The following WDR33 variants were observed in gnomAD, a reference collection of about 807,000 sequenced individuals.
WDR33 encodes the protein WD repeat domain 33.
A neutral mutation model predicts 164.9 loss-of-function variants in WDR33; 47 were observed. The observed-to-expected ratio is 0.29, with a 90% CI of 0.23 to 0.36. The LOEUF is 0.36. Ranked by LOEUF, WDR33 falls within the 10% of genes least tolerant of loss-of-function variation. WDR33 has a pLI of 1.00. For synonymous variants in WDR33, 505 were observed against 589.0 expected, an observed-to-expected ratio of 0.86 and a Z score of 2.06; for missense variants, 1,137 against 1,754.1, an observed-to-expected ratio of 0.65 and a Z score of 6.28.
chr2:127,795,587 T>C (rs961351507), intron 1 of WDR33, among the ~76,000 whole-genome samples: 2 of 149,360 alleles, frequency 1.3e-5, no homozygotes, highest in Admixed American at 6.7e-5. Context: ...TACCAAACCA[T>C]AGGATACACA....
At position 127,723,697 on chromosome 2, in the gene WDR33, G is replaced by A. The variant is rs1686493948; in HGVS notation, c.1197-350C>T. Among the ~76,000 whole-genome samples, 2 of 151,702 alleles carry A rather than the reference G, an allele frequency of 1.3e-5. No homozygotes were observed. Among genetic ancestry groups the A allele is most frequent in the South Asian group, 2.1e-4 (1 of 4,792 alleles). The stretch of plus-strand genomic sequence containing the variant: ...GATGGCTTGAGCCCAGGAGTTTGAG[G>A]CTACAGTGAGCTGTGATCTCACCAC... On this transcript the variant is annotated intron_variant, in intron 11 of 21. Transcript: ENST00000322313. This position sits in a 1 kb window ranked among gnomAD's most constrained non-coding sequence, Gnocchi z 5.9.
At chr2:127,746,815 C>T (rs781239374) in intron 7 of WDR33, among the ~76,000 whole-genome samples, 3 of 152,192 alleles carry the variant, frequency 2.0e-5, no homozygotes, top group Admixed American at 1.3e-4. Flanking sequence ...AGTAATTACA[C>T]TATATTCTTC....
chr2:127,735,658 T>C lies in WDR33; in HGVS notation c.725-8881A>G, dbSNP rs1247980440. The C allele has an allele frequency of 6.1e-6, 6 of 985,774 alleles. No homozygotes were observed. The highest frequency in any genetic ancestry group is 7.2e-6 in the Non-Finnish European group (6 of 829,910). 61.1% of individuals were successfully genotyped at this position (985,774 alleles called of 1,614,324 possible). On this transcript the variant is annotated intron_variant, in intron 7 of 21. Transcript: ENST00000322313. The surrounding 1 kb of genome is among the most constrained non-coding windows in gnomAD (Gnocchi z 4.3). ...TACTTCTAGCCACAAGAACATAAAA[T>C]GTAACAGATCAGTTTAAGACAAAGG...
chr2:127,785,872 T>C (rs1486503198), intron 1 of WDR33, among the ~76,000 whole-genome samples: 1 of 152,220 alleles, frequency 6.6e-6, no homozygotes, highest in African/African-American at 2.4e-5. Context: ...AGGGTATGCT[T>C]GGTTTTGTAA....
At chr2:127,731,781 A>G (rs964766487) in intron 7 of WDR33, among the ~76,000 whole-genome samples, 11 of 152,184 alleles carry the variant, frequency 7.2e-5, no homozygotes, top group African/African-American at 2.7e-4. Context: ...GGTACATATT[A>G]CCTTATTTAA....
At chr2:127,797,492 A>G (rs143442793) in intron 1 of WDR33, among the ~76,000 whole-genome samples, 2 of 152,314 alleles carry the variant, frequency 1.3e-5, no homozygotes, top group African/African-American at 2.4e-5. Context: ...ACTACGTCAC[A>G]CACAAAAAAA....
chr2:127,761,516 TAATA>T (rs1297197617), intron 7 of WDR33, among the ~76,000 whole-genome samples: 1 of 152,224 alleles, frequency 6.6e-6, no homozygotes, highest in African/African-American at 2.4e-5. Flanking sequence ...GAATTACTTT[TAATA>T]AATAAAATTA....
intron 1 of WDR33, among the ~76,000 whole-genome samples, chr2:127,794,833 CAA>C (rs990234716): frequency 0.056 from 4,424 of 79,250 alleles, 267 homozygotes; most frequent in African/African-American, 0.16. Flanking sequence ...GACTCCGTTT[CAA>C]AAAAAAAAAA....
intron 4 of WDR33, among the ~76,000 whole-genome samples, chr2:127,766,268 A>G (rs1687817423): frequency 6.6e-6 from 1 of 152,238 alleles, no homozygotes; most frequent in African/African-American, 2.4e-5. Flanking sequence ...AAACTCCGAC[A>G]AAGTTGAAAA....
In WDR33 at chr2:127,716,428, A is replaced by G. The variant is rs1432136658; in HGVS notation, c.2869+727T>C. ...CCCGTTATGAAAGTGTGTGTCGAAC[A>G]TAACACAGTGTTTCCTCTCACTCCC... On this transcript the variant is annotated intron_variant, in intron 17 of 21. Coordinates refer to ENST00000322313, the MANE Select transcript of WDR33 (RefSeq NM_018383.5). The surrounding 1 kb of genome is among the most constrained non-coding windows in gnomAD (Gnocchi z 4.5). Among the ~76,000 whole-genome samples, 8 of 152,132 alleles carry G rather than the reference A, an allele frequency of 5.3e-5. No homozygotes were observed. Among genetic ancestry groups the G allele is most frequent in the Admixed American group, 6.5e-5 (1 of 15,274 alleles).
intron 1 of WDR33, among the ~76,000 whole-genome samples, chr2:127,808,962 G>C (rs760445201): frequency 2.0e-5 from 3 of 150,844 alleles, no homozygotes; most frequent in Non-Finnish European, 2.9e-5. Flanking sequence ...CCCGGGAGGC[G>C]GAGCTTGCAG....
rs1687739072 is a variant in WDR33, at chr2:127,763,525, A to T, written c.627-366T>A. On this transcript the variant is annotated intron_variant, in intron 6 of 21. Coordinates refer to ENST00000322313, the MANE Select transcript of WDR33 (RefSeq NM_018383.5). This position sits in a 1 kb window ranked among gnomAD's most constrained non-coding sequence, Gnocchi z 4.5. ...TTTGCAGTATTCCTGCAGTCTTTTA[A>T]ATCACACACGAATACTGCTCCCAAA... The T allele has an allele frequency of 9.6e-7, 1 of 1,045,530 alleles. No individual in the cohort carries two copies. The highest frequency in any genetic ancestry group is 1.7e-5 in the African/African-American group (1 of 58,858). The allele number at this position is 1,045,530 out of a possible 1,614,324, so 64.8% of individuals were successfully genotyped here. A position where few individuals can be genotyped will look rare whatever the true frequency, so the allele number is the denominator to read the frequency against.
At chr2:127,768,151 G>A in intron 4 of WDR33, 38 bp downstream of exon 4, 3 of 1,321,342 alleles carry the variant, frequency 2.3e-6, no homozygotes, top group Non-Finnish European at 3.1e-6. Flanking sequence ...TATAACGCAG[G>A]ATTAATTTTC....
intron 7 of WDR33, among the ~76,000 whole-genome samples, chr2:127,758,761 C>G (rs1458853981): frequency 4.6e-5 from 7 of 152,122 alleles, no homozygotes; most frequent in Non-Finnish European, 1.0e-4. Context: ...CTTCCATATG[C>G]CCATAAAACT....
rs1276907305 is a variant in WDR33 at position 127,702,159 on chromosome 2, A to C, written c.*4164T>G. The stretch of plus-strand genomic sequence containing the variant: ...CCTGGGCCGCGGCGCCGGCCTCGCC[A>C]AGGTGCTGCCCGTGTGAGGACCTCG... On this transcript the variant is annotated 3_prime_UTR_variant, in exon 22 of 22. Coordinates refer to ENST00000322313, the MANE Select transcript of WDR33 (RefSeq NM_018383.5). The C allele has an allele frequency of 2.5e-6, 3 of 1,215,112 alleles. No individual in the cohort carries two copies. The East Asian group carries it at 1.0e-4, about 41-fold the overall frequency. The allele number at this position is 1,215,112 out of a possible 1,614,324, so 75.3% of individuals were successfully genotyped here. A position where few individuals can be genotyped will look rare whatever the true frequency, so the allele number is the denominator to read the frequency against.
At chr2:127,739,257 T>G (rs142428363) in intron 7 of WDR33, among the ~76,000 whole-genome samples, 21 of 152,154 alleles carry the variant, frequency 1.4e-4, no homozygotes, top group Non-Finnish European at 2.4e-4. Context: ...GAAAATAGAT[T>G]AAGGGTTTAT....
intron 7 of WDR33, among the ~76,000 whole-genome samples, chr2:127,753,293 A>T (rs765052093): frequency 1.3e-5 from 2 of 152,238 alleles, no homozygotes; most frequent in African/African-American, 2.4e-5. Flanking sequence ...ATCTAAAAAC[A>T]CTAAAAAATC....
At chr2:127,765,059 G>T in intron 5 of WDR33, 80 bp from the exon 6 acceptor site, 1 of 1,561,286 alleles carries the variant, frequency 6.4e-7, no homozygotes, top group South Asian at 1.2e-5. Flanking sequence ...GCATATAACT[G>T]ACTCGAGGTA....
intron 7 of WDR33, among the ~76,000 whole-genome samples, chr2:127,750,544 G>A (rs1285091614): frequency 1.3e-5 from 2 of 148,744 alleles, no homozygotes; most frequent in Non-Finnish European, 3.0e-5. Context: ...CTACCCGAGA[G>A]GCTGAGGCAC....
Sources: allele counts gnomAD v4.1 joint callset (sites outside exome capture counted in the v4.1 genomes callset), GRCh38; gene constraint gnomAD v4.1.1; non-coding constraint Gnocchi (gnomAD v3.1); transcripts MANE v1.5; gene names NCBI Gene and HGNC (gene_info 2026-07-23, HGNC 2026-07-21).